The following PLXNC1 variants were observed in gnomAD, a reference collection of about 807,000 sequenced individuals.
PLXNC1 encodes plexin-C1.
PLXNC1 carries 75 observed loss-of-function variants against 178.2 expected under a neutral mutation model. The observed-to-expected ratio is 0.42, with a 90% CI of 0.35 to 0.51. The LOEUF is 0.51. PLXNC1 is among the 20% of genes least tolerant of loss of function. The pLI, the probability that PLXNC1 is intolerant of heterozygous loss-of-function variation, is 0.02. For missense variants in PLXNC1, 1,503 were observed against 1,984.4 expected, an observed-to-expected ratio of 0.76 and a Z score of 4.61; for synonymous variants, 790 against 779.9, an observed-to-expected ratio of 1.01 and a Z score of -0.22.
At chr12:94,212,273 C>CAAAAAAAA (rs146191533) in intron 5 of PLXNC1, among the ~76,000 whole-genome samples, 43 of 89,138 alleles carry the variant, frequency 4.8e-4, no homozygotes, top group African/African-American at 1.7e-3. Context: ...GACTCCGTCT[C>CAAAAAAAA]AAAAAAAAAA....
chr12:94,276,219 A>G (rs1434302736), intron 21 of PLXNC1, among the ~76,000 whole-genome samples: 1 of 152,228 alleles, frequency 6.6e-6, no homozygotes, highest in Admixed American at 6.5e-5. Flanking sequence ...TCCGATTAAA[A>G]GGTGCCTCCC....
At chr12:94,263,911 T>G (rs1372580604) in intron 20 of PLXNC1, among the ~76,000 whole-genome samples, 2 of 152,032 alleles carry the variant, frequency 1.3e-5, no homozygotes, top group African/African-American at 4.8e-5. Flanking sequence ...TGGGGTGGGA[T>G]GCTGAGAGAC....
intron 6 of PLXNC1, among the ~76,000 whole-genome samples, chr12:94,220,762 G>A (rs994197017): frequency 1.3e-5 from 2 of 152,356 alleles, no homozygotes; most frequent in East Asian, 1.9e-4. Context: ...CATGGTGGAG[G>A]GGGAAGGGGT....
At chr12:94,293,155 G>A (rs945245585) in intron 23 of PLXNC1, among the ~76,000 whole-genome samples, 3 of 152,154 alleles carry the variant, frequency 2.0e-5, no homozygotes, top group Admixed American at 6.5e-5. Context: ...TACCCATGTG[G>A]CGTGTAACAG....
At chr12:94,195,215 G>T (rs1409911678) in intron 4 of PLXNC1, among the ~76,000 whole-genome samples, 2 of 152,130 alleles carry the variant, frequency 1.3e-5, no homozygotes, top group African/African-American at 2.4e-5. Flanking sequence ...TATCCCACTG[G>T]CAGTGTGGAA....
Position 94,288,063 on chromosome 12 carries a change from C to A in PLXNC1, c.3879+5662C>A, listed in dbSNP as rs79138180. Reference sequence around the variant, plus strand: ...CTGCGCAGGGCCTGAGGGATACCTTCCCCCAGATCCAGGCTTTCAGCCCAT... The same window carrying A: ...CTGCGCAGGGCCTGAGGGATACCTTACCCCAGATCCAGGCTTTCAGCCCAT... On this transcript the variant is annotated intron_variant, in intron 23 of 30. Transcript: ENST00000258526. Among the ~76,000 whole-genome samples, 1,318 of 152,324 alleles carry A rather than the reference C, an allele frequency of 8.7e-3. 21 individuals are homozygous for A. Among genetic ancestry groups the A allele is most frequent in the African/African-American group, 0.031 (1,270 of 41,572 alleles).
intron 4 of PLXNC1, among the ~76,000 whole-genome samples, chr12:94,206,719 T>C (rs1937129507): frequency 6.6e-6 from 1 of 152,186 alleles, no homozygotes. Context: ...AGCAAATATA[T>C]CTCTACCAGT....
Position 94,209,671 on chromosome 12 carries a change from T to C in PLXNC1, c.1521T>C (p.Pro507=), listed in dbSNP as rs925087485. The change falls in exon 5 of 31, where the codon CCT becomes CCC. Residue 507 remains proline, a synonymous_variant. Transcript: ENST00000258526. Reference sequence around the variant, plus strand: ...TTTCGTCTGGAGCAAAAAAGTGCCCTAAAATTCAGATAATTCGAAGCAGTA... The same window carrying C: ...TTTCGTCTGGAGCAAAAAAGTGCCCCAAAATTCAGATAATTCGAAGCAGTA... The part of the protein sequence containing the change: ...LDISSGAKKC[P]KIQIIRSSKE... 1 of 1,610,768 alleles carries C rather than the reference T, an allele frequency of 6.2e-7. No individual in the cohort carries two copies. Among genetic ancestry groups the C allele is most frequent in the Admixed American group, 1.7e-5 (1 of 59,992 alleles).
chr12:94,185,749 C>T (rs894307051), intron 3 of PLXNC1, among the ~76,000 whole-genome samples: 3 of 152,226 alleles, frequency 2.0e-5, no homozygotes, highest in South Asian at 4.1e-4. Flanking sequence ...TGGTCCTCCT[C>T]GTTTCCACAT....
At chr12:94,211,672 A>C (rs1963471358) in intron 5 of PLXNC1, among the ~76,000 whole-genome samples, 3 of 152,256 alleles carry the variant, frequency 2.0e-5, no homozygotes, top group Admixed American at 1.3e-4. Context: ...AAAACAATTA[A>C]AAGATAGTAC....
Position 94,215,759 on chromosome 12 carries a change from A to T in PLXNC1, c.1555-4257A>T, listed in dbSNP as rs145148525. Among the ~76,000 whole-genome samples the T allele has an allele frequency of 4.6e-3, 705 of 152,270 alleles. 1 individual carries two copies. Among genetic ancestry groups the T allele is most frequent in the Non-Finnish European group, 8.8e-3 (598 of 68,022 alleles). On this transcript the variant is annotated intron_variant, in intron 5 of 30. Coordinates refer to ENST00000258526, the MANE Select transcript of PLXNC1 (RefSeq NM_005761.3). ...ATGTGTGAGATAACTGGCTTATACTATGGAAACGTAATTTCATATTTTACA... is the reference window on the plus strand; with the variant it reads ...ATGTGTGAGATAACTGGCTTATACTTTGGAAACGTAATTTCATATTTTACA...
In PLXNC1 at chr12:94,177,153, ATATATATGTATATATATATATACG is replaced by A. The variant is rs1216190779; in HGVS notation, c.1204-4285_1204-4262del. Among the ~76,000 whole-genome samples, 341 of 48,304 alleles carry A rather than the reference ATATATATGTATATATATATATACG, an allele frequency of 7.1e-3. 3 individuals are homozygous for A. Among genetic ancestry groups the A allele is most frequent in the African/African-American group, 0.049 (328 of 6,696 alleles). The allele number at this position is 48,304 out of a possible 152,430, so 31.7% of individuals were successfully genotyped here. ...TGTATATATATGTGTGTGTGTGTAT[ATATATATGTATATATATATATACG>A]TATATATATGTATATATATATACGT... On this transcript the variant is annotated intron_variant, in intron 2 of 30. Transcript: ENST00000258526.
chr12:94,277,536 G>C (rs1021249115), intron 21 of PLXNC1, among the ~76,000 whole-genome samples: 1 of 152,148 alleles, frequency 6.6e-6, no homozygotes, highest in Non-Finnish European at 1.5e-5. Flanking sequence ...ATGAGAAAGC[G>C]ACATACACAG....
At chr12:94,221,322 C>T (rs1963789096) in intron 6 of PLXNC1, among the ~76,000 whole-genome samples, 1 of 152,132 alleles carries the variant, frequency 6.6e-6, no homozygotes, top group Non-Finnish European at 1.5e-5. Flanking sequence ...CAACAGATCA[C>T]TTGGAGGGGT....
intron 24 of PLXNC1, among the ~76,000 whole-genome samples, chr12:94,296,986 A>G (rs1395539018): frequency 2.0e-5 from 3 of 152,116 alleles, no homozygotes; most frequent in Non-Finnish European, 4.4e-5. Flanking sequence ...TCCTCCTCCA[A>G]TCCCTCACCC....
chr12:94,169,122 TA>T (rs765093506), intron 1 of PLXNC1, 30 bp from the exon 2 acceptor site: 238 of 1,582,852 alleles, frequency 1.5e-4, no homozygotes, highest in Non-Finnish European at 1.9e-4. Flanking sequence ...AAATTATTAT[TA>T]TTTTTTTGTG....
intron 2 of PLXNC1, among the ~76,000 whole-genome samples, chr12:94,175,948 A>G (rs1962034519): frequency 6.6e-6 from 1 of 152,244 alleles, no homozygotes; most frequent in African/African-American, 2.4e-5. Flanking sequence ...AGAAGTGATC[A>G]GGGAAGGCTT....
At chr12:94,202,146 G>A (rs974097267) in intron 4 of PLXNC1, among the ~76,000 whole-genome samples, 2 of 152,164 alleles carry the variant, frequency 1.3e-5, no homozygotes, top group African/African-American at 4.8e-5. Context: ...CCTGTCTAAA[G>A]TGGGTTCCTT....
intron 5 of PLXNC1, among the ~76,000 whole-genome samples, chr12:94,213,618 T>C (rs1963558139): frequency 6.6e-6 from 1 of 152,216 alleles, no homozygotes; most frequent in African/African-American, 2.4e-5. Context: ...TTCACTCTGA[T>C]GGTAGTTTCT....
Sources: allele counts gnomAD v4.1 joint callset (sites outside exome capture counted in the v4.1 genomes callset), GRCh38; gene constraint gnomAD v4.1.1; transcripts MANE v1.5; gene names NCBI Gene and HGNC (gene_info 2026-07-23, HGNC 2026-07-21).